Variants in SYN2 observed in about 807,000 individuals in gnomAD.
SYN2 encodes synapsin-2.
Under a neutral mutation model 50.9 loss-of-function variants are expected in SYN2, and 19 were observed. The ratio of observed to expected loss-of-function variants is 0.37; its 90% CI spans 0.26 to 0.55. SYN2 has a LOEUF of 0.55. SYN2 is among the 20% of genes least tolerant of loss of function. The pLI, the probability that SYN2 is intolerant of heterozygous loss-of-function variation, is 0.81. For synonymous variants in SYN2, 255 were observed against 224.9 expected (o/e 1.13, Z -1.20); for missense variants, 587 against 576.4 (o/e 1.02, Z -0.19).
intron 1 of SYN2, among the ~76,000 whole-genome samples, chr3:12,115,169 G>T (rs1388805160): frequency 6.6e-6 from 1 of 152,200 alleles, no homozygotes; most frequent in Admixed American, 6.5e-5. Flanking sequence ...ACTCAGTCAG[G>T]TAAGTGACTT....
At chr3:12,124,854 A>C (rs775993930) in intron 1 of SYN2, among the ~76,000 whole-genome samples, 28 of 152,300 alleles carry the variant, frequency 1.8e-4, no homozygotes, top group Non-Finnish European at 3.4e-4. Flanking sequence ...GATGTAGAGG[A>C]ATAGGATTGG....
chr3:12,181,263 G>A (rs1698213497), intron 10 of SYN2, among the ~76,000 whole-genome samples: 1 of 152,230 alleles, frequency 6.6e-6, no homozygotes, highest in African/African-American at 2.4e-5. Flanking sequence ...CATTTGAGAT[G>A]ATGCATTGGG....
chr3:12,023,383 C>G (rs1694187810), intron 1 of SYN2, among the ~76,000 whole-genome samples: 1 of 150,724 alleles, frequency 6.6e-6, no homozygotes, highest in South Asian at 2.1e-4. Context: ...CCCAAAGAAA[C>G]AGTGAAGAAG....
chr3:12,035,027 G>A (rs1694467022), intron 1 of SYN2, among the ~76,000 whole-genome samples: 1 of 152,170 alleles, frequency 6.6e-6, no homozygotes, highest in Admixed American at 6.5e-5. Context: ...ATCGAAACAG[G>A]TTGTTTATTT....
intron 5 of SYN2, among the ~76,000 whole-genome samples, chr3:12,155,002 T>A (rs1697414256): frequency 2.3e-5 from 1 of 43,414 alleles, no homozygotes; most frequent in African/African-American, 6.0e-5. Flanking sequence ...AATTTCCCCC[T>A]TTTTACCTAT....
Position 12,140,702 on chromosome 3 carries a change from G to A in SYN2, c.429G>A (p.Val143=), listed in dbSNP as rs1696997328. ...TCCTTGGAGATTATGATATCAAGGT[G>A]GAACAGGTAATCAGCCTGAAGCCCA... ...KKVLGDYDIK[V]EQAEFSELNL... The change falls in exon 2 of 13, where the codon GTG becomes GTA. Residue 143 remains valine, a synonymous_variant. Transcript: ENST00000621198. The A allele has an allele frequency of 1.3e-6, 1 of 761,054 alleles. No individual in the cohort carries two copies. 47.1% of individuals were successfully genotyped at this position (761,054 alleles called of 1,614,324 possible).
At chr3:12,074,191 C>T (rs1695421792) in intron 1 of SYN2, among the ~76,000 whole-genome samples, 1 of 151,900 alleles carries the variant, frequency 6.6e-6, no homozygotes, top group Non-Finnish European at 1.5e-5. Flanking sequence ...TTTTTCTATC[C>T]CTTTACTTTC....
chr3:12,013,070 CTG>C (rs1402133856), intron 1 of SYN2, among the ~76,000 whole-genome samples: 1 of 152,236 alleles, frequency 6.6e-6, no homozygotes, highest in Non-Finnish European at 1.5e-5. Flanking sequence ...GTGTTTGACA[CTG>C]TATATCTTCC....
intron 1 of SYN2, among the ~76,000 whole-genome samples, chr3:12,093,223 T>C (rs1163297924): frequency 2.0e-5 from 3 of 152,236 alleles, no homozygotes. Context: ...GAACAGATTC[T>C]GGAGAATAAA....
At chr3:12,006,550 G>A (rs1410053526) in intron 1 of SYN2, among the ~76,000 whole-genome samples, 1 of 152,154 alleles carries the variant, frequency 6.6e-6, no homozygotes, top group Non-Finnish European at 1.5e-5. Flanking sequence ...ACAAAACTGA[G>A]GCTTAGGAAA....
chr3:12,191,156 C>G lies in SYN2; in HGVS notation c.*531C>G, dbSNP rs1039510154. ...GTTTAAAGCACACCCACCCAACTTA[C>G]AAGATCTTAGGCTGCTGTGGTGGTG... On this transcript the variant is annotated 3_prime_UTR_variant, in exon 13 of 13. Coordinates refer to ENST00000621198, the MANE Select transcript of SYN2 (RefSeq NM_133625.6). The G allele has an allele frequency of 4.1e-6, 4 of 985,474 alleles. No homozygotes were observed. Among genetic ancestry groups the G allele is most frequent in the East Asian group, 1.1e-4 (1 of 8,824 alleles). The allele number at this position is 985,474 out of a possible 1,614,324, so 61.0% of individuals were successfully genotyped here.
intron 5 of SYN2, chr3:12,158,625 C>A: frequency 6.4e-7 from 1 of 1,573,484 alleles, no homozygotes; most frequent in East Asian, 2.3e-5. Context: ...TTCCTCTGGA[C>A]TCCTGGTGTA....
intron 1 of SYN2, among the ~76,000 whole-genome samples, chr3:12,118,468 G>A (rs1696483005): frequency 6.6e-6 from 1 of 152,170 alleles, no homozygotes; most frequent in South Asian, 2.1e-4. Flanking sequence ...TTACAGATGA[G>A]GAAACAGGCC....
At chr3:12,157,359 A>G (rs769870465) in intron 5 of SYN2, 65 of 1,606,890 alleles carry the variant, frequency 4.0e-5, no homozygotes, top group South Asian at 3.1e-4. Context: ...CTTAGGGGCT[A>G]CACATCCCAG....
chr3:12,073,514 C>T (rs1248225237), intron 1 of SYN2, among the ~76,000 whole-genome samples: 1 of 152,154 alleles, frequency 6.6e-6, no homozygotes, highest in African/African-American at 2.4e-5. Flanking sequence ...TTTGTTGCTG[C>T]AATTTCTTCT....
At chr3:12,055,604 A>G (rs1016285056) in intron 1 of SYN2, among the ~76,000 whole-genome samples, 7 of 152,218 alleles carry the variant, frequency 4.6e-5, no homozygotes, top group Non-Finnish European at 7.3e-5. Context: ...TGAACATGGT[A>G]TATCCCACCA....
intron 5 of SYN2, chr3:12,154,203 C>T (rs1161942697): frequency 8.4e-6 from 12 of 1,425,566 alleles, no homozygotes; most frequent in South Asian, 1.3e-5. Context: ...ATTGCTTTCT[C>T]ATCCCCAACT....
chr3:12,183,521 C>G lies in SYN2; in HGVS notation c.1369+149C>G, dbSNP rs141804249. ...GGAAAGCGGGGAGGGGAAAACAGAC[C>G]CTCCCACTGGTGCCGTTGCTGCGTT... On this transcript the variant is annotated intron_variant, in intron 11 of 12. Transcript: ENST00000621198. 1.7e-5 allele frequency: 27 copies of G among 1,565,400 alleles called. No individual in the cohort carries two copies. In the East Asian group the frequency reaches 6.3e-4, roughly 36 times the overall value.
At chr3:12,185,810 T>C in intron 11 of SYN2, 1 of 970,780 alleles carries the variant, frequency 1.0e-6, no homozygotes, top group South Asian at 4.8e-5. Context: ...TGCAAGAGAC[T>C]GAGCTATTAA....
Sources: gnomAD v4.1 joint callset for allele counts (sites outside exome capture counted in the v4.1 genomes callset) on GRCh38, gnomAD v4.1.1 for gene constraint, MANE v1.5 for transcripts, NCBI Gene and HGNC (gene_info 2026-07-23, HGNC 2026-07-21) for gene names.